Variants in SLC4A8 observed in about 807,000 individuals in gnomAD.
The protein encoded by SLC4A8 is solute carrier family 4 member 8, also known as electroneutral sodium bicarbonate exchanger 1.
Under a neutral mutation model 125.0 loss-of-function variants are expected in SLC4A8, and 40 were observed. The observed-to-expected ratio is 0.32, with a 90% CI of 0.25 to 0.42. The LOEUF is 0.42. Ranked by LOEUF, SLC4A8 falls within the 10% of genes least tolerant of loss-of-function variation. SLC4A8 has a pLI of 1.00. For missense variants in SLC4A8, 863 were observed against 1,355.1 expected, an observed-to-expected ratio of 0.64 and a Z score of 5.70; for synonymous variants, 456 against 476.0, an observed-to-expected ratio of 0.96 and a Z score of 0.55.
intron 24 of SLC4A8, among the ~76,000 whole-genome samples, chr12:51,507,013 G>A (rs994368863): frequency 6.6e-6 from 1 of 151,872 alleles, no homozygotes; most frequent in African/African-American, 2.4e-5. Flanking sequence ...TTAATTCCTT[G>A]TATAACTTGG....
At chr12:51,426,986 T>G (rs1286642267) in intron 1 of SLC4A8, among the ~76,000 whole-genome samples, 1 of 149,476 alleles carries the variant, frequency 6.7e-6, no homozygotes. Context: ...TCGCCCAGGC[T>G]GGAGTGCAGT....
At chr12:51,464,567 C>G (rs1219893239) in intron 11 of SLC4A8, among the ~76,000 whole-genome samples, 1 of 152,112 alleles carries the variant, frequency 6.6e-6, no homozygotes, top group Non-Finnish European at 1.5e-5. Flanking sequence ...AGTGTGATAT[C>G]CAGGGGTGTC....
intron 1 of SLC4A8, among the ~76,000 whole-genome samples, chr12:51,419,176 G>C (rs563246983): frequency 5.0e-4 from 76 of 152,218 alleles, no homozygotes; most frequent in African/African-American, 1.8e-3. Context: ...AACTGCCCTG[G>C]GCAAGTCCCT....
intron 2 of SLC4A8, chr12:51,441,318 A>G (rs1382530031): frequency 1.7e-6 from 1 of 576,506 alleles, no homozygotes; most frequent in Non-Finnish European, 2.2e-6. Context: ...TTGAGTTCAT[A>G]ACATCAAAGT....
At chr12:51,413,099 T>G (rs1948623960) in intron 1 of SLC4A8, among the ~76,000 whole-genome samples, 1 of 152,234 alleles carries the variant, frequency 6.6e-6, no homozygotes, top group Non-Finnish European at 1.5e-5. Context: ...GTCTTTTTGT[T>G]AATAGCCATC....
intron 15 of SLC4A8, 197 bp downstream of exon 15, chr12:51,474,644 T>C (rs1950808222): frequency 3.1e-6 from 3 of 961,554 alleles, no homozygotes; most frequent in Admixed American, 5.4e-5. Context: ...ATTACCCTTC[T>C]CTTTTCTCCC....
At position 51,515,015 on chromosome 12, in the gene SLC4A8, C is replaced by A. The variant is rs1042288019; in HGVS notation, c.*7577C>A. 8 of 152,184 alleles carry A rather than the reference C, an allele frequency of 5.3e-5. No individual in the cohort carries two copies. Among genetic ancestry groups the A allele is most frequent in the African/African-American group, 1.9e-4 (8 of 41,434 alleles). The allele number at this position is 152,184 out of a possible 1,614,324, so 9.4% of individuals were successfully genotyped here. On this transcript the variant is annotated 3_prime_UTR_variant, in exon 25 of 25. Transcript: ENST00000453097. Reference sequence around the variant, plus strand: ...ATTTTTCTTAAACCTAACCCAGTTTCAGCATTGGAGAATACAGAACTTTTT... The same window carrying A: ...ATTTTTCTTAAACCTAACCCAGTTTAAGCATTGGAGAATACAGAACTTTTT...
intron 11 of SLC4A8, 32 bp downstream of exon 11, chr12:51,463,746 C>CT: frequency 7.0e-7 from 1 of 1,430,596 alleles, no homozygotes; most frequent in South Asian, 1.2e-5. Context: ...AGCGATGCTG[C>CT]TTATTGGGTA....
Position 51,470,396 on chromosome 12 carries a change from C to T in SLC4A8, c.1529C>T (p.Ala510Val). Residue 510 changes from alanine (A) to valine (V), a missense_variant, in exon 13 of 25, where the codon GCA (alanine) becomes GTA (valine). Coordinates refer to ENST00000453097, the MANE Select transcript of SLC4A8 (RefSeq NM_001039960.3). ...LGEATEGRIS[A>V]IESLFGASMT... ...GATGACTTTTTTTCCTCTCAGAGTG[C>T]AATTGAATCCTTGTTTGGAGCTTCC... 1.2e-6 allele frequency: 2 copies of T among 1,613,832 alleles called. No homozygotes were observed. Among genetic ancestry groups the T allele is most frequent in the Non-Finnish European group, 1.7e-6 (2 of 1,179,778 alleles).
chr12:51,495,470 CTTTTTTTTTTTT>C (rs3028942), intron 21 of SLC4A8, among the ~76,000 whole-genome samples: 2 of 76,276 alleles, frequency 2.6e-5, no homozygotes, highest in Admixed American at 3.7e-4. Context: ...TTTCTTTCTT[CTTTTTTTTTTTT>C]TTTTTTTTTT....
At chr12:51,479,591 G>A (rs892663391) in intron 16 of SLC4A8, among the ~76,000 whole-genome samples, 1 of 150,962 alleles carries the variant, frequency 6.6e-6, no homozygotes, top group Non-Finnish European at 1.5e-5. Context: ...GTTGAGGCAC[G>A]AGAATTGCTT....
At chr12:51,392,797 A>G (rs1948170232) in intron 1 of SLC4A8, 1 of 152,146 alleles carries the variant, frequency 6.6e-6, no homozygotes, top group Non-Finnish European at 1.5e-5. Flanking sequence ...TTACCCCGCC[A>G]GGGCCCGTGC....
chr12:51,462,343 C>T lies in SLC4A8; in HGVS notation c.1135C>T (p.Arg379Ter), dbSNP rs995871180. ...TGACGTAGCATATAAGGCAAAAGAG[C>T]GAGATGATCTCCTGGCGGGGATTGA... The part of the protein sequence containing the change: ...FHDVAYKAKE[R>*]DDLLAGIDEF... The change falls in exon 10 of 25, where the codon CGA becomes TGA. Residue 379 changes from arginine (R) to a stop codon, truncating the protein, a stop_gained. Transcript: ENST00000453097. LOFTEE classifies it high-confidence loss of function. 1 of 1,613,760 alleles carries T rather than the reference C, an allele frequency of 6.2e-7. No individual in the cohort carries two copies. Among genetic ancestry groups the T allele is most frequent in the Non-Finnish European group, 8.5e-7 (1 of 1,179,838 alleles).
At chr12:51,480,132 G>C in intron 16 of SLC4A8, 1 of 436,948 alleles carries the variant, frequency 2.3e-6, no homozygotes, top group South Asian at 1.9e-5. Flanking sequence ...GTAGAGACGG[G>C]GTTTCCCCAT....
chr12:51,458,660 G>A lies in SLC4A8; in HGVS notation c.855+10G>A, dbSNP rs200937098. 1 of 1,598,940 alleles carries A rather than the reference G, an allele frequency of 6.3e-7. No individual in the cohort carries two copies. The highest frequency in any genetic ancestry group is 8.6e-7 in the Non-Finnish European group (1 of 1,166,358). On this transcript the variant is annotated intron_variant, in intron 7 of 24. Transcript: ENST00000453097. ...TGTGGATTTAAGCAAGGTGAGCAGA[G>A]TGGTGGGAAGTTGGCTTCAAGGCCT... is the stretch of plus-strand genomic sequence containing the variant.
chr12:51,427,602 G>T (rs921125348), intron 1 of SLC4A8, among the ~76,000 whole-genome samples: 2 of 152,132 alleles, frequency 1.3e-5, no homozygotes, highest in African/African-American at 4.8e-5. Context: ...AAGGAAATGG[G>T]GATGACTTGG....
At position 51,440,715 on chromosome 12, in the gene SLC4A8, A is replaced by G. The variant is rs1949568903; in HGVS notation, c.56A>G (p.Asp19Gly). 1 of 1,610,826 alleles carries G rather than the reference A, an allele frequency of 6.2e-7. No homozygotes were observed. Among genetic ancestry groups the G allele is most frequent in the African/African-American group, 1.3e-5 (1 of 74,704 alleles). The change falls in exon 2 of 25, where the codon GAT becomes GGT. Residue 19 changes from aspartate (D) to glycine (G), a missense_variant. By Grantham distance (94) the Asp-to-Gly change is moderately conservative. Coordinates refer to ENST00000453097, the MANE Select transcript of SLC4A8 (RefSeq NM_001039960.3). ...PDGVLSYQRP[D>G]EEAVVDQGGT... ...TTATTTGTGTTTAAACAGAGACCAG[A>G]TGAAGAAGCTGTGGTGGATCAGGGT... is the stretch of plus-strand genomic sequence containing the variant.
chr12:51,502,990 C>A (rs370621122), intron 22 of SLC4A8, among the ~76,000 whole-genome samples: 1 of 151,654 alleles, frequency 6.6e-6, no homozygotes, highest in Non-Finnish European at 1.5e-5. Context: ...TACAGGCGCC[C>A]GCCACCTCGC....
intron 1 of SLC4A8, among the ~76,000 whole-genome samples, chr12:51,433,887 T>TTTTTTTTTTTTTTTTTTTG (rs1949306372): frequency 7.8e-6 from 1 of 127,596 alleles, no homozygotes; most frequent in Non-Finnish European, 1.7e-5. Flanking sequence ...TTGGTTGGTT[T>TTTTTTTTTTTTTTTTTTTG]TTTTTTGAGA....
Sources: gnomAD v4.1 joint callset for allele counts (sites outside exome capture counted in the v4.1 genomes callset) on GRCh38, gnomAD v4.1.1 for gene constraint, MANE v1.5 for transcripts, NCBI Gene and HGNC (gene_info 2026-07-23, HGNC 2026-07-21) for gene names.